DNLZ: variants seen among roughly 807,000 people sequenced by gnomAD.
DNLZ encodes the protein DNL-type zinc finger, also known as DNL-type zinc finger protein.
DNLZ carries 15 observed loss-of-function variants against 7.8 expected under a neutral mutation model. The ratio of observed to expected loss-of-function variants is 1.91; its 90% CI spans 1.28 to 2.95. The LOEUF is 2.95. DNLZ is among the 30% of genes most tolerant of loss of function. The pLI, the probability that DNLZ is intolerant of heterozygous loss-of-function variation, is 0.00. For missense variants in DNLZ, 255 were observed against 167.3 expected (o/e 1.52, Z -2.89); for synonymous variants, 123 against 77.8 (o/e 1.58, Z -3.05).
intron 1 of DNLZ, 147 bp downstream of exon 1, chr9:136,363,340 C>G: frequency 7.2e-6 from 5 of 695,850 alleles, no homozygotes; most frequent in Non-Finnish European, 1.3e-5. Flanking sequence ...CGCCTCCGCT[C>G]CCTCCCAGAA....
rs1212608092 is a variant in DNLZ at position 136,361,780 on chromosome 9, AG to A, written c.*231del. On this transcript the variant is annotated 3_prime_UTR_variant, in exon 3 of 3. Coordinates refer to ENST00000371738, the MANE Select transcript of DNLZ (RefSeq NM_001080849.3). ...CAAGAGCTGGGTGACTCTGTGTAGA[AG>A]GAACTGTGGTGAGGCGAGAGGTCCT... The A allele has an allele frequency of 2.6e-6, 1 of 391,222 alleles. No individual in the cohort carries two copies. The highest frequency in any genetic ancestry group is 4.5e-6 in the Non-Finnish European group (1 of 222,200). 24.2% of individuals were successfully genotyped at this position (391,222 alleles called of 1,614,324 possible). A position where few individuals can be genotyped will look rare whatever the true frequency, so the allele number is the denominator to read the frequency against.
intron 2 of DNLZ, 148 bp downstream of exon 2, chr9:136,362,841 T>C: frequency 1.5e-6 from 1 of 667,564 alleles, no homozygotes; most frequent in South Asian, 2.1e-5. Flanking sequence ...TATAGGAAAT[T>C]CTCATTTAAC....
At chr9:136,362,231 C>T in intron 2 of DNLZ, 51 bp from the exon 3 acceptor site, 3 of 1,416,040 alleles carry the variant, frequency 2.1e-6, no homozygotes, top group East Asian at 2.8e-5. Context: ...AGCCGCCCTG[C>T]ACTTCAGTCC....
rs1564362388 is a variant in DNLZ at position 136,359,542 on chromosome 9, C to T, written c.*2470G>A. 6.6e-6 allele frequency: 1 copy of T among 152,372 alleles called. No individual in the cohort carries two copies. Among genetic ancestry groups the T allele is most frequent in the Admixed American group, 6.5e-5 (1 of 15,292 alleles). The allele number at this position is 152,372 out of a possible 1,614,324, so 9.4% of individuals were successfully genotyped here. ...TGCCATGTTGTCAATGGGTCCTTTC[C>T]AACCCAAGAGGTACATTTGTTTTTC... On this transcript the variant is annotated 3_prime_UTR_variant, in exon 3 of 3. Transcript: ENST00000371738.
chr9:136,362,784 G>A (rs4255257), intron 2 of DNLZ, among the ~76,000 whole-genome samples: 66 of 152,344 alleles, frequency 4.3e-4, no homozygotes, highest in Admixed American at 1.3e-3. Flanking sequence ...AAATAAAAAC[G>A]CACCCCCTAC....
chr9:136,362,818 G>C (rs571825006), intron 2 of DNLZ, among the ~76,000 whole-genome samples, 171 bp downstream of exon 2: 1 of 152,370 alleles, frequency 6.6e-6, no homozygotes, highest in African/African-American at 2.4e-5. Context: ...AAACTCAAAA[G>C]CTATCTGGGC....
chr9:136,362,526 T>C (rs1292960617), intron 2 of DNLZ, among the ~76,000 whole-genome samples: 1 of 152,216 alleles, frequency 6.6e-6, no homozygotes, highest in Non-Finnish European at 1.5e-5. Flanking sequence ...TCGCTGTTAC[T>C]GTCCTGCCCA....
Position 136,363,742 on chromosome 9 carries a change from C to A in DNLZ, c.-28G>T. On this transcript the variant is annotated 5_prime_UTR_variant, in exon 1 of 3. Coordinates refer to ENST00000371738, the MANE Select transcript of DNLZ (RefSeq NM_001080849.3). ...CGCTCGCCGGCTCCGTCCGCCCTGC[C>A]CCGGCCCCGCCCCGCCGCCATCTTG... is the stretch of plus-strand genomic sequence containing the variant. 1 of 493,450 alleles carries A rather than the reference C, an allele frequency of 2.0e-6. No homozygotes were observed. The allele number at this position is 493,450 out of a possible 1,614,324, so 30.6% of individuals were successfully genotyped here.
rs1832990487 is a variant in DNLZ, at chr9:136,362,110, G to C, written c.439C>G (p.Leu147Val). The C allele has an allele frequency of 1.3e-6, 2 of 1,494,666 alleles. No individual in the cohort carries two copies. Among genetic ancestry groups the C allele is most frequent in the Non-Finnish European group, 1.8e-6 (2 of 1,124,808 alleles). The allele number at this position is 1,494,666 out of a possible 1,614,324, so 92.6% of individuals were successfully genotyped here. ...GGGGCCCCTGCAGCCTCCAGAACCA[G>C]TTCCAGGGCCCCCTCGCCCGCCACA... ...HRVAGEGALE[L>V]VLEAAGAPTS... Residue 147 changes from leucine to valine, a missense_variant, in exon 3 of 3, where the codon CTG becomes GTG. Transcript: ENST00000371738.
rs1309971986 is a variant in DNLZ at position 136,359,953 on chromosome 9, G to A, written c.*2059C>T. 3 of 152,298 alleles carry A rather than the reference G, an allele frequency of 2.0e-5. No homozygotes were observed. Among genetic ancestry groups the A allele is most frequent in the Non-Finnish European group, 2.9e-5 (2 of 68,108 alleles). 9.4% of individuals were successfully genotyped at this position (152,298 alleles called of 1,614,324 possible). On this transcript the variant is annotated 3_prime_UTR_variant, in exon 3 of 3. Transcript: ENST00000371738. The stretch of plus-strand genomic sequence containing the variant: ...GCTGCCGCCCACCCAGCACCCGGGG[G>A]AGGGAGGTCCTTTCCTGGAGTCTGA...
intron 2 of DNLZ, 58 bp downstream of exon 2, chr9:136,362,931 G>C: frequency 1.3e-6 from 2 of 1,565,224 alleles, no homozygotes; most frequent in African/African-American, 1.3e-5. Context: ...GGTTCCCCCA[G>C]GGAGGCCAGG....
intron 1 of DNLZ, 63 bp downstream of exon 1, chr9:136,363,424 C>A (rs1400468501): frequency 1.3e-6 from 1 of 760,806 alleles, no homozygotes; most frequent in Admixed American, 1.7e-5. Context: ...GGCCGCTTCT[C>A]CCCGCAGGCC....
Position 136,361,019 on chromosome 9 carries a change from C to T in DNLZ, c.*993G>A, listed in dbSNP as rs940039805. 6.6e-6 allele frequency: 1 copy of T among 152,254 alleles called. No homozygotes were observed. The highest frequency in any genetic ancestry group is 2.4e-5 in the African/African-American group (1 of 41,438). The allele number at this position is 152,254 out of a possible 1,614,324, so 9.4% of individuals were successfully genotyped here. A position where few individuals can be genotyped will look rare whatever the true frequency, so the allele number is the denominator to read the frequency against. On this transcript the variant is annotated 3_prime_UTR_variant, in exon 3 of 3. Coordinates refer to ENST00000371738, the MANE Select transcript of DNLZ (RefSeq NM_001080849.3). The stretch of plus-strand genomic sequence containing the variant: ...CAGTTTCCACAAATGGCACAGAAGG[C>T]TCTGGGTGGGAATAATAGAGGGTTG...
In DNLZ at chr9:136,361,608, G is replaced by C. The variant is rs569872953; in HGVS notation, c.*404C>G. ...CTGGCTCACGGAAGGGAGGCCGCCAGAGCTGGCCAGGGGGGCGGCAAGGGC... is the reference window on the plus strand; with the variant it reads ...CTGGCTCACGGAAGGGAGGCCGCCACAGCTGGCCAGGGGGGCGGCAAGGGC... On this transcript the variant is annotated 3_prime_UTR_variant, in exon 3 of 3. Coordinates refer to ENST00000371738, the MANE Select transcript of DNLZ (RefSeq NM_001080849.3). 1 of 170,426 alleles carries C rather than the reference G, an allele frequency of 5.9e-6. No homozygotes were observed. Among genetic ancestry groups the C allele is most frequent in the South Asian group, 2.0e-4 (1 of 4,998 alleles). The allele number at this position is 170,426 out of a possible 1,614,324, so 10.6% of individuals were successfully genotyped here. A position where few individuals can be genotyped will look rare whatever the true frequency, so the allele number is the denominator to read the frequency against.
chr9:136,360,479 G>A lies in DNLZ; in HGVS notation c.*1533C>T, dbSNP rs1832963074. On this transcript the variant is annotated 3_prime_UTR_variant, in exon 3 of 3. Coordinates refer to ENST00000371738, the MANE Select transcript of DNLZ (RefSeq NM_001080849.3). ...AGGCAGGGATGTCCTGGGGCGGGGG[G>A]GTGTAGAGTGGCAGGAGATTAGGAT... 1 of 152,086 alleles carries A rather than the reference G, an allele frequency of 6.6e-6. No individual in the cohort carries two copies. The highest frequency in any genetic ancestry group is 2.1e-4 in the South Asian group (1 of 4,828). The allele number at this position is 152,086 out of a possible 1,614,324, so 9.4% of individuals were successfully genotyped here.
chr9:136,359,865 G>A lies in DNLZ; in HGVS notation c.*2147C>T, dbSNP rs11145922. ...GCTCTGAGCTGACACTCACGTGGCC[G>A]GGACCAGCCCCCAGAAGCAGCAGCC... On this transcript the variant is annotated 3_prime_UTR_variant, in exon 3 of 3. Coordinates refer to ENST00000371738, the MANE Select transcript of DNLZ (RefSeq NM_001080849.3). 17,742 of 152,360 alleles carry A rather than the reference G, an allele frequency of 0.12. 1,192 individuals carry two copies. The highest frequency in any genetic ancestry group is 0.27 in the East Asian group (1,382 of 5,168). The allele number at this position is 152,360 out of a possible 1,614,324, so 9.4% of individuals were successfully genotyped here.
chr9:136,362,088 GC>G lies in DNLZ; in HGVS notation c.460del (p.Ala154ProfsTer136). ...TTCCGGAGCTGCAGTGGATGTGGGG[GC>G]CCCTGCAGCCTCCAGAACCAGTTCC... ...ALELVLEAAG[A>X]PTSTAAPEAG... On this transcript the variant is annotated frameshift_variant, in exon 3 of 3. Coordinates refer to ENST00000371738, the MANE Select transcript of DNLZ (RefSeq NM_001080849.3). LOFTEE classifies it low-confidence loss of function (END_TRUNC). 3 of 1,458,232 alleles carry G rather than the reference GC, an allele frequency of 2.1e-6. No homozygotes were observed. Among genetic ancestry groups the G allele is most frequent in the East Asian group, 2.7e-5 (1 of 36,548 alleles). The allele number at this position is 1,458,232 out of a possible 1,614,324, so 90.3% of individuals were successfully genotyped here. A position where few individuals can be genotyped will look rare whatever the true frequency, so the allele number is the denominator to read the frequency against.
intron 1 of DNLZ, 34 bp downstream of exon 1, chr9:136,363,453 G>A (rs1833022901): frequency 1.3e-6 from 1 of 762,386 alleles, no homozygotes; most frequent in Non-Finnish European, 2.4e-6. Flanking sequence ...TCAGATACGG[G>A]TCTGTCCCCG....
rs771662324 is a variant in DNLZ, at chr9:136,363,037, T to C, written c.320A>G (p.His107Arg). The change falls in exon 2 of 3, where the codon CAT becomes CGT. Residue 107 changes from histidine (H) to arginine (R), a missense_variant. Physicochemically the swap from His to Arg is conservative, Grantham distance 29 (BLOSUM62 0). Transcript: ENST00000371738. ...CCAGCCCAGGTTGTCAGCGATGATA[T>C]GGTGGTTCTGGCAGCCGGGGCAGGT... Reference protein sequence around the residue: ...IVTCPGCQNHHIIADNLGWFS... With the variant: ...IVTCPGCQNHRIIADNLGWFS... 28 of 1,613,676 alleles carry C rather than the reference T, an allele frequency of 1.7e-5. No individual in the cohort carries two copies. Among genetic ancestry groups the C allele is most frequent in the Non-Finnish European group, 2.2e-5 (26 of 1,179,976 alleles).
Sources: gnomAD v4.1 joint callset for allele counts (sites outside exome capture counted in the v4.1 genomes callset) on GRCh38, gnomAD v4.1.1 for gene constraint, MANE v1.5 for transcripts, NCBI Gene and HGNC (gene_info 2026-07-23, HGNC 2026-07-21) for gene names.